Variants in CYP27A1 observed in about 807,000 individuals in gnomAD.
CYP27A1 encodes the protein cytochrome P450 family 27 subfamily A member 1.
A neutral mutation model predicts 58.2 loss-of-function variants in CYP27A1; 46 were observed. That is an observed-to-expected ratio of 0.79 (90% CI 0.62 to 1.01). CYP27A1 has a LOEUF of 1.01. CYP27A1 is among the 50% of genes least tolerant of loss of function. The pLI is 0.00. For synonymous variants in CYP27A1, 274 were observed against 285.1 expected, an observed-to-expected ratio of 0.96 and a Z score of 0.39; for missense variants, 704 against 687.0, an observed-to-expected ratio of 1.02 and a Z score of -0.28.
chr2:218,796,330 C>T (rs1047190395), intron 1 of CYP27A1, among the ~76,000 whole-genome samples: 12 of 152,154 alleles, frequency 7.9e-5, no homozygotes, highest in African/African-American at 2.7e-4. Context: ...CAGTGGCTCA[C>T]GCCTGTAATC....
chr2:218,789,959 T>G (rs1489828836), intron 1 of CYP27A1, among the ~76,000 whole-genome samples: 1 of 152,202 alleles, frequency 6.6e-6, no homozygotes, highest in African/African-American at 2.4e-5. Context: ...TGTTCTAGGA[T>G]CTATTTGTTT....
chr2:218,812,400 T>C lies in CYP27A1; in HGVS notation c.625T>C (p.Phe209Leu). Residue 209 changes from phenylalanine (F) to leucine (L), a missense_variant, in exon 3 of 9, where the codon TTC (phenylalanine) becomes CTC (leucine). By Grantham distance (22) the Phe-to-Leu change is conservative. Coordinates refer to ENST00000258415, the MANE Select transcript of CYP27A1 (RefSeq NM_000784.4). ...CCAGGTGTCGGACATGGCTCAACTC[T>C]TCTACTACTTTGCCTTGGAAGGTAC... is the stretch of plus-strand genomic sequence containing the variant. ...GNQVSDMAQL[F>L]YYFALEAICY... 1 of 1,614,178 alleles carries C rather than the reference T, an allele frequency of 6.2e-7. No homozygotes were observed. Among genetic ancestry groups the C allele is most frequent in the Non-Finnish European group, 8.5e-7 (1 of 1,180,020 alleles).
intron 1 of CYP27A1, among the ~76,000 whole-genome samples, chr2:218,790,847 G>A (rs924638265): frequency 7.2e-5 from 11 of 151,866 alleles, no homozygotes; most frequent in African/African-American, 1.7e-4. Flanking sequence ...ACAGGGGTCC[G>A]CCACCACTCC....
intron 1 of CYP27A1, among the ~76,000 whole-genome samples, chr2:218,798,814 C>T (rs1013503518): frequency 1.3e-5 from 2 of 152,066 alleles, no homozygotes; most frequent in Non-Finnish European, 2.9e-5. Context: ...ACCCGGGAGG[C>T]GGAAATTGTA....
At chr2:218,801,563 T>C (rs1221804545) in intron 1 of CYP27A1, among the ~76,000 whole-genome samples, 2 of 152,048 alleles carry the variant, frequency 1.3e-5, no homozygotes, top group Non-Finnish European at 1.5e-5. Flanking sequence ...ATGCAGAATA[T>C]ATATCACAAA....
intron 3 of CYP27A1, 38 bp from the exon 4 acceptor site, chr2:218,812,514 G>A: frequency 6.2e-7 from 1 of 1,613,188 alleles, no homozygotes; most frequent in Non-Finnish European, 8.5e-7. Context: ...CATATGTCCT[G>A]GTTCTGCCTC....
chr2:218,787,725 A>AT (rs1943453539), intron 1 of CYP27A1, among the ~76,000 whole-genome samples: 2 of 152,094 alleles, frequency 1.3e-5, no homozygotes, highest in East Asian at 3.9e-4. Flanking sequence ...ATCCGATGAC[A>AT]TTGCAAGAAG....
At chr2:218,792,001 C>A (rs1395916667) in intron 1 of CYP27A1, among the ~76,000 whole-genome samples, 1 of 152,060 alleles carries the variant, frequency 6.6e-6, no homozygotes, top group African/African-American at 2.4e-5. Context: ...ATTGTCTTCC[C>A]AGGAATATGG....
chr2:218,785,959 G>A (rs1166629263), intron 1 of CYP27A1, among the ~76,000 whole-genome samples: 2 of 152,282 alleles, frequency 1.3e-5, no homozygotes, highest in Admixed American at 1.3e-4. Flanking sequence ...TCCTTCAGGT[G>A]TATTTATTCT....
chr2:218,812,247 C>T lies in CYP27A1; in HGVS notation c.472C>T (p.Arg158Cys), dbSNP rs774541162. The part of the protein sequence containing the change: ...TTEGHHWYQL[R>C]QALNQRLLKP... ...GGAAGGACACCACTGGTACCAGCTG[C>T]GCCAGGCTCTGAACCAGCGGTTGCT... is the stretch of plus-strand genomic sequence containing the variant. Residue 158 changes from arginine (R) to cysteine (C), a missense_variant, in exon 3 of 9, where the codon CGC (arginine) becomes TGC (cysteine). Transcript: ENST00000258415. 77 of 1,614,004 alleles carry T rather than the reference C, an allele frequency of 4.8e-5. No homozygotes were observed. Among genetic ancestry groups the T allele is most frequent in the Middle Eastern group, 1.6e-4 (1 of 6,084 alleles).
In CYP27A1 at chr2:218,814,119, G is replaced by T. The variant is rs1943755876; in HGVS notation, c.1116G>T (p.Gly372=). 6.2e-7 allele frequency: 1 copy of T among 1,614,258 alleles called. No individual in the cohort carries two copies. The change falls in exon 6 of 9, where the codon GGG becomes GGT. Residue 372 remains glycine, a synonymous_variant. Coordinates refer to ENST00000258415, the MANE Select transcript of CYP27A1 (RefSeq NM_000784.4). ...HEEVVGVVPA[G]QVPQHKDFAH... ...AAGTGGTGGGTGTGGTGCCAGCCGG[G>T]CAAGTGCCCCAGCACAAGGACTTTG...
chr2:218,810,522 CTG>C (rs1943701885), intron 2 of CYP27A1, among the ~76,000 whole-genome samples: 2 of 152,160 alleles, frequency 1.3e-5, no homozygotes, highest in South Asian at 4.1e-4. Flanking sequence ...AGTCAGATGA[CTG>C]GGGAAAAAAA....
intron 1 of CYP27A1, among the ~76,000 whole-genome samples, chr2:218,798,796 T>TA (rs1365010439): frequency 6.6e-6 from 1 of 152,144 alleles, no homozygotes; most frequent in Non-Finnish European, 1.5e-5. Flanking sequence ...GAGATGAGAA[T>TA]TGCTTGAACC....
rs691968 is a variant in CYP27A1, at chr2:218,809,427, A to C, written c.256-150A>C. 0.024 allele frequency: 16,680 copies of C among 685,880 alleles called. 3,300 individuals carry two copies. In the African/African-American group the frequency reaches 0.35, roughly 15 times the overall value. 42.5% of individuals were successfully genotyped at this position (685,880 alleles called of 1,614,324 possible). A position where few individuals can be genotyped will look rare whatever the true frequency, so the allele number is the denominator to read the frequency against. The stretch of plus-strand genomic sequence containing the variant: ...AACAACAGGCCATCCTGGTGCCTAC[A>C]TCATACACAATGCCCTTTTTTTTTT... On this transcript the variant is annotated intron_variant, in intron 1 of 8. Transcript: ENST00000258415.
chr2:218,796,850 G>A (rs1190446899), intron 1 of CYP27A1, among the ~76,000 whole-genome samples: 1 of 152,194 alleles, frequency 6.6e-6, no homozygotes, highest in African/African-American at 2.4e-5. Flanking sequence ...TGTTTTGCTT[G>A]ATATTTGTGA....
Position 218,814,940 on chromosome 2 carries a change from C to T in CYP27A1, c.1506C>T (p.Ala502=), listed in dbSNP as rs1264241656. Residue 502 remains alanine (A), a synonymous_variant, in exon 9 of 9, where the codon GCC becomes GCT. Coordinates refer to ENST00000258415, the MANE Select transcript of CYP27A1 (RefSeq NM_000784.4). Reference sequence around the variant, plus strand: ...TCCAGAAGTACAAGGTGGTCCTGGCCCCGGAGACGGGGGAGTTGAAGAGTG... The same window carrying T: ...TCCAGAAGTACAAGGTGGTCCTGGCTCCGGAGACGGGGGAGTTGAAGAGTG... ...RLIQKYKVVL[A]PETGELKSVA... 2 of 1,614,122 alleles carry T rather than the reference C, an allele frequency of 1.2e-6. No individual in the cohort carries two copies. Among genetic ancestry groups the T allele is most frequent in the Non-Finnish European group, 1.7e-6 (2 of 1,180,060 alleles).
intron 1 of CYP27A1, among the ~76,000 whole-genome samples, chr2:218,800,473 T>C (rs1943589647): frequency 6.6e-6 from 1 of 152,196 alleles, no homozygotes; most frequent in Non-Finnish European, 1.5e-5. Flanking sequence ...AGACAAGCAC[T>C]TTCTTTTCCT....
At chr2:218,807,216 C>T (rs537475389) in intron 1 of CYP27A1, among the ~76,000 whole-genome samples, 1 of 152,206 alleles carries the variant, frequency 6.6e-6, no homozygotes, top group Admixed American at 6.5e-5. Flanking sequence ...ACCTCAGCCT[C>T]CCAAAGTGCT....
chr2:218,809,866 C>A, intron 2 of CYP27A1, 99 bp downstream of exon 2: 1 of 1,073,794 alleles, frequency 9.3e-7, no homozygotes, highest in Non-Finnish European at 1.4e-6. Context: ...CAGAATAGTA[C>A]CCTCTGCATC....
Sources: allele counts gnomAD v4.1 joint callset (sites outside exome capture counted in the v4.1 genomes callset), GRCh38; gene constraint gnomAD v4.1.1; transcripts MANE v1.5; gene names NCBI Gene and HGNC (gene_info 2026-07-23, HGNC 2026-07-21).